Variants in LRRTM4 observed in about 807,000 individuals in gnomAD.
LRRTM4 encodes the protein leucine rich repeat transmembrane neuronal 4, also known as leucine-rich repeat transmembrane neuronal protein 4.
LRRTM4 carries 25 observed loss-of-function variants against 47.6 expected under a neutral mutation model. The ratio of observed to expected loss-of-function variants is 0.53; its 90% CI spans 0.38 to 0.73. The LOEUF (loss-of-function observed/expected upper bound fraction) is 0.73. LRRTM4 is among the 30% of genes least tolerant of loss of function. The pLI, the probability that LRRTM4 is intolerant of heterozygous loss-of-function variation, is 0.00. For synonymous variants in LRRTM4, 311 were observed against 269.5 expected (o/e 1.15, Z -1.51); for missense variants, 638 against 713.4 (o/e 0.89, Z 1.20).
intron 3 of LRRTM4, among the ~76,000 whole-genome samples, chr2:77,024,786 T>A (rs563111670): frequency 6.6e-6 from 1 of 152,320 alleles, no homozygotes; most frequent in East Asian, 1.9e-4. Flanking sequence ...GTAGGAATTC[T>A]ATTATTGGAA....
Position 77,134,764 on chromosome 2 carries a change from G to C in LRRTM4, c.1551+383554C>G, listed in dbSNP as rs371089091. On this transcript the variant is annotated intron_variant, in intron 3 of 3. Coordinates refer to ENST00000409884, the MANE Select transcript of LRRTM4 (RefSeq NM_001134745.3). ...CCTGGATAATATTCCAAATGCTATA[G>C]GTCTTTCATGTGCAAAAAAAGGGGG... 4.6e-5 allele frequency among the ~76,000 whole-genome samples: 7 copies of C among 151,966 alleles called. No homozygotes were observed. In the South Asian group the frequency reaches 1.5e-3, roughly 32 times the overall value.
Position 77,345,561 on chromosome 2 carries a change from C to T in LRRTM4, c.1551+172757G>A, listed in dbSNP as rs577031930. Among the ~76,000 whole-genome samples, 104 of 152,014 alleles carry T rather than the reference C, an allele frequency of 6.8e-4. 3 individuals carry two copies. In the South Asian group the frequency reaches 0.021, roughly 31 times the overall value. On this transcript the variant is annotated intron_variant, in intron 3 of 3. Transcript: ENST00000409884. Reference sequence around the variant, plus strand: ...GGCATATTTAAAGATGTCTAATCTTCTTTGTCATTAGGATAATGCAAACTA... The same window carrying T: ...GGCATATTTAAAGATGTCTAATCTTTTTTGTCATTAGGATAATGCAAACTA...
intron 3 of LRRTM4, among the ~76,000 whole-genome samples, chr2:77,032,109 G>T (rs532054151): frequency 2.0e-5 from 3 of 152,216 alleles, no homozygotes; most frequent in Admixed American, 2.0e-4. Context: ...CTCCTAATCA[G>T]CCTCTCTACT....
At chr2:77,400,292 C>T (rs759410904) in intron 3 of LRRTM4, among the ~76,000 whole-genome samples, 1 of 151,684 alleles carries the variant, frequency 6.6e-6, no homozygotes, top group Non-Finnish European at 1.5e-5. Flanking sequence ...GAGTAATTGG[C>T]TCTACAATTT....
intron 3 of LRRTM4, among the ~76,000 whole-genome samples, chr2:77,013,705 A>G (rs1022549436): frequency 2.6e-5 from 4 of 152,194 alleles, no homozygotes; most frequent in Non-Finnish European, 4.4e-5. Flanking sequence ...TCTCCCCAGT[A>G]AATTTACACA....
At chr2:77,300,529 G>T (rs1677107065) in intron 3 of LRRTM4, among the ~76,000 whole-genome samples, 1 of 152,182 alleles carries the variant, frequency 6.6e-6, no homozygotes, top group African/African-American at 2.4e-5. Context: ...ATAATAAATA[G>T]TATATGTAGT....
intron 3 of LRRTM4, among the ~76,000 whole-genome samples, chr2:76,898,181 C>T (rs912303054): frequency 6.7e-6 from 1 of 149,816 alleles, no homozygotes; most frequent in African/African-American, 2.4e-5. Context: ...AATACATGCT[C>T]ATTATGTAGA....
At chr2:77,478,835 G>T (rs1019996393) in intron 3 of LRRTM4, among the ~76,000 whole-genome samples, 2 of 152,136 alleles carry the variant, frequency 1.3e-5, no homozygotes, top group Admixed American at 1.3e-4. Context: ...AAAACAAAGT[G>T]CTCATCTTGA....
intron 3 of LRRTM4, among the ~76,000 whole-genome samples, chr2:77,233,474 C>T (rs7586125): frequency 0.15 from 22,205 of 152,020 alleles, 2,676 homozygotes; most frequent in East Asian, 0.34. Context: ...CTTGGAATTA[C>T]ACTTTTATGT....
intron 3 of LRRTM4, among the ~76,000 whole-genome samples, chr2:76,810,040 T>C (rs904349887): frequency 1.3e-5 from 2 of 152,202 alleles, no homozygotes; most frequent in East Asian, 1.9e-4. Flanking sequence ...CCAGCTGATA[T>C]TATGTTCCAT....
chr2:76,894,050 G>A (rs962790254), intron 3 of LRRTM4, among the ~76,000 whole-genome samples: 3 of 151,860 alleles, frequency 2.0e-5, no homozygotes, highest in Non-Finnish European at 4.4e-5. Context: ...AAAAATATCA[G>A]TTAATTAATT....
chr2:76,944,812 G>A (rs777005594), intron 3 of LRRTM4, among the ~76,000 whole-genome samples: 11 of 151,922 alleles, frequency 7.2e-5, no homozygotes, highest in Non-Finnish European at 1.2e-4. Context: ...TACAAATGGC[G>A]AGTAAAAAGA....
At chr2:76,807,332 G>T (rs1025431736) in intron 3 of LRRTM4, among the ~76,000 whole-genome samples, 1 of 148,406 alleles carries the variant, frequency 6.7e-6, no homozygotes, top group African/African-American at 2.5e-5. Context: ...TGAAGAAACA[G>T]ATAGTTGTAA....
intron 3 of LRRTM4, among the ~76,000 whole-genome samples, chr2:77,014,243 C>T (rs1366267993): frequency 6.6e-6 from 1 of 152,002 alleles, no homozygotes; most frequent in East Asian, 1.9e-4. Flanking sequence ...TAGGCAAAGG[C>T]AGATGGTGAA....
intron 3 of LRRTM4, among the ~76,000 whole-genome samples, chr2:77,421,119 A>T (rs754409949): frequency 1.3e-5 from 2 of 151,964 alleles, no homozygotes; most frequent in Non-Finnish European, 2.9e-5. Context: ...GTTCAAAAAT[A>T]AGAAAATATG....
At chr2:76,832,643 C>G (rs763845037) in intron 3 of LRRTM4, among the ~76,000 whole-genome samples, 5 of 151,938 alleles carry the variant, frequency 3.3e-5, no homozygotes, top group Non-Finnish European at 7.4e-5. Flanking sequence ...TATCTCCATA[C>G]CTAGAGATTG....
At chr2:77,320,644 A>G (rs1173089370) in intron 3 of LRRTM4, among the ~76,000 whole-genome samples, 1 of 152,180 alleles carries the variant, frequency 6.6e-6, no homozygotes, top group Non-Finnish European at 1.5e-5. Context: ...AAAATATGGT[A>G]AGAACAAATG....
At chr2:76,980,028 C>G (rs1676552242) in intron 3 of LRRTM4, among the ~76,000 whole-genome samples, 1 of 152,070 alleles carries the variant, frequency 6.6e-6, no homozygotes, top group African/African-American at 2.4e-5. Flanking sequence ...CAAGTTCAGC[C>G]AATCCTACCC....
At chr2:77,417,483 G>A (rs1230537183) in intron 3 of LRRTM4, among the ~76,000 whole-genome samples, 3 of 152,058 alleles carry the variant, frequency 2.0e-5, no homozygotes, top group Non-Finnish European at 2.9e-5. Flanking sequence ...CAAAGACTCG[G>A]AACCAACCCA....
Sources: allele counts gnomAD v4.1 joint callset (sites outside exome capture counted in the v4.1 genomes callset), GRCh38; gene constraint gnomAD v4.1.1; transcripts MANE v1.5; gene names NCBI Gene and HGNC (gene_info 2026-07-23, HGNC 2026-07-21).